Variants in FOXP1 observed in about 807,000 individuals in gnomAD.
FOXP1 encodes forkhead box protein P1.
Under a neutral mutation model 98.2 loss-of-function variants are expected in FOXP1, and 15 were observed. The observed-to-expected ratio is 0.15, with a 90% CI of 0.10 to 0.24. The LOEUF (loss-of-function observed/expected upper bound fraction) is 0.24. FOXP1 is among the 10% of genes least tolerant of loss of function. The probability of loss-of-function intolerance (pLI) is 1.00; values close to 1 mark genes in which losing one functional copy is unlikely to be tolerated. For synonymous variants in FOXP1, 371 were observed against 314.5 expected, an observed-to-expected ratio of 1.18 and a Z score of -1.90; for missense variants, 633 against 848.5, an observed-to-expected ratio of 0.75 and a Z score of 3.15.
chr3:71,420,477 AATGTTCCT>A (rs1338701648), intron 3 of FOXP1, among the ~76,000 whole-genome samples: 1 of 152,120 alleles, frequency 6.6e-6, no homozygotes, highest in East Asian at 1.9e-4. Context: ...GTGCATCCCA[AATGTTCCT>A]ATCATGGGAC....
rs565434727 is a variant in FOXP1, at chr3:71,268,064, T to G, written c.-12+31756A>C. Among the ~76,000 whole-genome samples, 29 of 150,528 alleles carry G rather than the reference T, an allele frequency of 1.9e-4. 1 individual carries two copies. In the South Asian group the frequency reaches 6.1e-3, roughly 32 times the overall value. On this transcript the variant is annotated intron_variant, in intron 5 of 20. Transcript: ENST00000649528. ...GTGCTTTAATGATTTTAAAATTATT[T>G]CAGCTTCTTTTTTTTCTTTTCTTTT...
At chr3:71,542,033 AT>A (rs748268662) in intron 2 of FOXP1, 2 of 534,018 alleles carry the variant, frequency 3.7e-6, no homozygotes, top group Admixed American at 3.9e-5. Context: ...AATATATAAA[AT>A]TTAAGAAAAG....
At chr3:71,205,738 G>A (rs1297320899) in intron 5 of FOXP1, among the ~76,000 whole-genome samples, 1 of 152,204 alleles carries the variant, frequency 6.6e-6, no homozygotes, top group East Asian at 1.9e-4. Flanking sequence ...CCTCTGGAAC[G>A]CAGGAGGTGC....
In FOXP1 at chr3:71,558,802, CTT is replaced by C. The variant is rs35405702; in HGVS notation, c.-298+22745_-298+22746del. Among the ~76,000 whole-genome samples, 46 of 117,532 alleles carry C rather than the reference CTT, an allele frequency of 3.9e-4. 1 individual carries two copies. Among genetic ancestry groups the C allele is most frequent in the African/African-American group, 1.3e-3 (37 of 29,160 alleles). 77.1% of individuals were successfully genotyped at this position (117,532 alleles called of 152,430 possible). A position where few individuals can be genotyped will look rare whatever the true frequency, so the allele number is the denominator to read the frequency against. ...AGCCACCACACCCAGCCGATTCTCA[CTT>C]TTTTTTTTTTTTTTTTGAGGCAGAG... On this transcript the variant is annotated intron_variant, in intron 2 of 20. Coordinates refer to ENST00000649528, the MANE Select transcript of FOXP1 (RefSeq NM_001349338.3).
At position 71,290,448 on chromosome 3, in the gene FOXP1, T is replaced by C. The variant is rs535722567; in HGVS notation, c.-12+9372A>G. Reference sequence around the variant, plus strand: ...CAACTTCTCAGCACCTCCCCTGCCATTGTGATCCTGGCCATCATCATATCT... The same window carrying C: ...CAACTTCTCAGCACCTCCCCTGCCACTGTGATCCTGGCCATCATCATATCT... On this transcript the variant is annotated intron_variant, in intron 5 of 20. Coordinates refer to ENST00000649528, the MANE Select transcript of FOXP1 (RefSeq NM_001349338.3). 8.6e-4 allele frequency among the ~76,000 whole-genome samples: 131 copies of C among 152,314 alleles called. 1 individual carries two copies. Among genetic ancestry groups the C allele is most frequent in the African/African-American group, 3.0e-3 (123 of 41,570 alleles).
At chr3:70,997,705 C>T (rs989243424) in intron 13 of FOXP1, among the ~76,000 whole-genome samples, 9 of 152,188 alleles carry the variant, frequency 5.9e-5, no homozygotes, top group African/African-American at 1.7e-4. Context: ...AATGGACAGT[C>T]GCACTAGCAA....
At chr3:71,498,194 C>A (rs1286336702) in intron 2 of FOXP1, among the ~76,000 whole-genome samples, 1 of 152,130 alleles carries the variant, frequency 6.6e-6, no homozygotes, top group Non-Finnish European at 1.5e-5. Context: ...AATCCCAGGG[C>A]CTGTGGTTGC....
At chr3:71,480,427 T>A (rs1299513431) in intron 3 of FOXP1, among the ~76,000 whole-genome samples, 2 of 152,246 alleles carry the variant, frequency 1.3e-5, no homozygotes, top group South Asian at 2.1e-4. Flanking sequence ...CAATTTATAA[T>A]TCTTTATGTG....
chr3:71,199,708 C>A (rs914080138), intron 5 of FOXP1, among the ~76,000 whole-genome samples: 1 of 151,708 alleles, frequency 6.6e-6, no homozygotes, highest in Non-Finnish European at 1.5e-5. Context: ...CCATTGTACT[C>A]CAGCCTAGGT....
At chr3:71,025,157 CA>C (rs1173234215) in intron 11 of FOXP1, among the ~76,000 whole-genome samples, 1 of 151,922 alleles carries the variant, frequency 6.6e-6, no homozygotes, top group Non-Finnish European at 1.5e-5. Context: ...GCAGACAAGC[CA>C]AAAATGGAGA....
At chr3:71,581,491 TGCC>T in intron 2 of FOXP1, 55 bp downstream of exon 2, 1 of 985,482 alleles carries the variant, frequency 1.0e-6, no homozygotes, top group Non-Finnish European at 1.2e-6. Flanking sequence ...GAACCCCTAG[TGCC>T]GCCTGGGGCT....
Position 71,178,409 on chromosome 3 carries a change from G to A in FOXP1, c.180+19793C>T, listed in dbSNP as rs567167923. ...TCGGTCTCTCAAAGTGCTGGGATGA[G>A]AGGCGTGAGCCATCGCGCCCGGCCA... On this transcript the variant is annotated intron_variant, in intron 6 of 20. Coordinates refer to ENST00000649528, the MANE Select transcript of FOXP1 (RefSeq NM_001349338.3). Among the ~76,000 whole-genome samples the A allele has an allele frequency of 1.8e-3, 272 of 152,054 alleles. 3 individuals are homozygous for A. Among genetic ancestry groups the A allele is most frequent in the African/African-American group, 6.4e-3 (264 of 41,512 alleles).
At chr3:71,033,076 T>C (rs1161943199) in intron 11 of FOXP1, among the ~76,000 whole-genome samples, 1 of 152,116 alleles carries the variant, frequency 6.6e-6, no homozygotes, top group African/African-American at 2.4e-5. Flanking sequence ...GCCACATGCT[T>C]TCCCTCACAC....
intron 11 of FOXP1, among the ~76,000 whole-genome samples, chr3:71,039,105 T>C (rs1485677001): frequency 6.6e-6 from 1 of 152,108 alleles, no homozygotes; most frequent in Non-Finnish European, 1.5e-5. Flanking sequence ...TTTAGGAACC[T>C]ACTAGATAAT....
chr3:71,110,010 C>T (rs2057783613), intron 7 of FOXP1, among the ~76,000 whole-genome samples: 1 of 152,106 alleles, frequency 6.6e-6, no homozygotes, highest in South Asian at 2.1e-4. Flanking sequence ...ACCCCTTCTC[C>T]CCCTACTTTT....
At chr3:71,427,449 C>T (rs919280922) in intron 3 of FOXP1, among the ~76,000 whole-genome samples, 1 of 152,308 alleles carries the variant, frequency 6.6e-6, no homozygotes, top group East Asian at 1.9e-4. Flanking sequence ...GGAAACCATG[C>T]CGCAGATGGA....
intron 5 of FOXP1, among the ~76,000 whole-genome samples, chr3:71,210,615 C>T (rs905593884): frequency 7.2e-5 from 11 of 152,144 alleles, no homozygotes; most frequent in African/African-American, 2.7e-4. Flanking sequence ...GATGCAAGTC[C>T]GGCTGCTGGA....
chr3:71,049,559 G>GA (rs57894943), intron 9 of FOXP1, among the ~76,000 whole-genome samples: 3,769 of 138,432 alleles, frequency 0.027, 73 homozygotes, highest in South Asian at 0.09. Context: ...AGGAGGGAAG[G>GA]AAAAAAAAAA....
chr3:71,019,919 G>C (rs1386447478), intron 11 of FOXP1, among the ~76,000 whole-genome samples: 1 of 152,098 alleles, frequency 6.6e-6, no homozygotes, highest in Non-Finnish European at 1.5e-5. Context: ...ATTTATGAAT[G>C]AACAGACAGT....
Sources: allele counts gnomAD v4.1 joint callset (sites outside exome capture counted in the v4.1 genomes callset), GRCh38; gene constraint gnomAD v4.1.1; transcripts MANE v1.5; gene names NCBI Gene and HGNC (gene_info 2026-07-23, HGNC 2026-07-21).